The following DACH2 variants were observed in gnomAD, a reference collection of about 807,000 sequenced individuals.
DACH2 encodes the protein dachshund homolog 2.
DACH2 carries 17 observed loss-of-function variants against 35.8 expected under a neutral mutation model. The observed-to-expected ratio is 0.48, with a 90% confidence interval of 0.33 to 0.71. The LOEUF (loss-of-function observed/expected upper bound fraction) is 0.71. DACH2 is among the 30% of genes least tolerant of loss of function. The probability of loss-of-function intolerance (pLI) is 0.02; values close to 1 mark genes in which losing one functional copy is unlikely to be tolerated. For missense variants in DACH2, 469 were observed against 472.7 expected (o/e 0.99, Z 0.07); for synonymous variants, 195 against 177.3 (o/e 1.10, Z -0.79).
intron 3 of DACH2, among the ~76,000 whole-genome samples, chrX:86,563,545 T>C (rs2039253936): frequency 9.0e-6 from 1 of 111,071 alleles, no homozygotes; most frequent in Admixed American, 9.6e-5. Context: ...TATTTTGAGA[T>C]ATAACAATGC....
At chrX:86,556,847 G>A (rs1395320255) in intron 3 of DACH2, among the ~76,000 whole-genome samples, 7 of 95,491 alleles carry the variant, frequency 7.3e-5, no homozygotes, top group African/African-American at 1.5e-4. Context: ...AATGTACTAC[G>A]GGAATTTGCT....
At chrX:86,181,435 G>A (rs187999230) in intron 1 of DACH2, among the ~76,000 whole-genome samples, 24 of 111,168 alleles carry the variant, frequency 2.2e-4, no homozygotes, top group African/African-American at 6.9e-4. Context: ...AACATGCGAT[G>A]TTTGGTTTTC....
At chrX:86,470,943 G>T (rs922380919) in intron 2 of DACH2, among the ~76,000 whole-genome samples, 1 of 110,800 alleles carries the variant, frequency 9.0e-6, no homozygotes, top group African/African-American at 3.3e-5. Context: ...TAATTTGCAA[G>T]GCTCAACCCC....
At chrX:86,452,166 G>A (rs1028451033) in intron 2 of DACH2, among the ~76,000 whole-genome samples, 1 of 111,921 alleles carries the variant, frequency 8.9e-6, no homozygotes, top group Admixed American at 9.5e-5. Flanking sequence ...TTGCATCCCA[G>A]AGATAAAGCC....
At chrX:86,313,358 A>G (rs2034836799) in intron 1 of DACH2, among the ~76,000 whole-genome samples, 1 of 111,826 alleles carries the variant, frequency 8.9e-6, no homozygotes, top group Admixed American at 9.5e-5. Context: ...TAGTAAGTAG[A>G]TATTTTGGGA....
chrX:86,409,156 T>C (rs1039632182), intron 2 of DACH2, among the ~76,000 whole-genome samples: 4 of 111,631 alleles, frequency 3.6e-5, no homozygotes, highest in African/African-American at 1.3e-4. Flanking sequence ...TGTTAAGTTA[T>C]TTATACAAGG....
At chrX:86,676,084 A>G (rs1047927490) in intron 4 of DACH2, among the ~76,000 whole-genome samples, 7 of 111,959 alleles carry the variant, frequency 6.3e-5, no homozygotes, top group African/African-American at 2.3e-4. Flanking sequence ...CAGAAATTGT[A>G]GCATATTATT....
chrX:86,548,936 A>G (rs1212369572), intron 3 of DACH2, among the ~76,000 whole-genome samples: 1 of 112,220 alleles, frequency 8.9e-6, no homozygotes, highest in Non-Finnish European at 1.9e-5. Flanking sequence ...ATATTTGCTT[A>G]TATTTCCATG....
At chrX:86,656,760 G>A (rs938443651) in intron 4 of DACH2, among the ~76,000 whole-genome samples, 2 of 104,431 alleles carry the variant, frequency 1.9e-5, no homozygotes, top group Non-Finnish European at 3.9e-5. Context: ...AATTAAGTAA[G>A]ATATAGATAA....
chrX:86,699,317 A>G (rs2041111958), intron 5 of DACH2, among the ~76,000 whole-genome samples: 1 of 112,458 alleles, frequency 8.9e-6, no homozygotes, highest in African/African-American at 3.2e-5. Flanking sequence ...CCATTTTCAC[A>G]CTGCTAGTAA....
chrX:86,608,522 T>G (rs148071739), intron 3 of DACH2, among the ~76,000 whole-genome samples: 3,067 of 112,024 alleles, frequency 0.027, 100 homozygotes, highest in African/African-American at 0.094. Flanking sequence ...TCTGTGTACT[T>G]ATTATTACCA....
chrX:86,776,228 G>T (rs2042030511), intron 7 of DACH2, among the ~76,000 whole-genome samples: 1 of 111,489 alleles, frequency 9.0e-6, no homozygotes, highest in Non-Finnish European at 1.9e-5. Flanking sequence ...AGTTCTAGAG[G>T]CTCAAGAGTC....
chrX:86,746,269 A>C (rs1055895644), intron 7 of DACH2, among the ~76,000 whole-genome samples: 1 of 111,416 alleles, frequency 9.0e-6, no homozygotes, highest in African/African-American at 3.3e-5. Flanking sequence ...ATATATACTT[A>C]GGAGTGAAAT....
chrX:86,625,202 C>G (rs1209067199), intron 3 of DACH2, among the ~76,000 whole-genome samples: 1 of 95,670 alleles, frequency 1.0e-5, no homozygotes, highest in Non-Finnish European at 2.1e-5. Context: ...TATACAAAAA[C>G]CTTCTTAGTG....
At position 86,514,305 on chromosome X, in the gene DACH2, G is replaced by A. The variant is rs748093037; in HGVS notation, c.554G>A (p.Arg185His). The change falls in exon 3 of 12, where the codon CGT (arginine) becomes CAT (histidine). Residue 185 changes from arginine (R) to histidine (H), a missense_variant. This residue lies in a region of DACH2 where 363 missense variants were observed against 334.4 expected (regional missense o/e 1.09). Coordinates refer to ENST00000373125, the MANE Select transcript of DACH2 (RefSeq NM_053281.3). ...NSSRPGRPPK[R>H]SLGVLQENAR... ...TCAAGACCCGGCAGGCCCCCTAAGC[G>A]TTCTTTGGGAGTGTTGCAGGAAAAT... 5.0e-6 allele frequency: 6 copies of A among 1,209,159 alleles called. No individual in the cohort carries two copies. The highest frequency in any genetic ancestry group is 1.7e-5 in the African/African-American group (1 of 57,188).
At chrX:86,546,532 T>C (rs2038976969) in intron 3 of DACH2, among the ~76,000 whole-genome samples, 1 of 92,070 alleles carries the variant, frequency 1.1e-5, no homozygotes, top group African/African-American at 4.2e-5. Context: ...TAAGACAGAG[T>C]CTTGTTCTGT....
At chrX:86,374,471 T>C (rs1044066075) in intron 1 of DACH2, among the ~76,000 whole-genome samples, 2 of 110,794 alleles carry the variant, frequency 1.8e-5, no homozygotes, top group Admixed American at 9.7e-5. Context: ...ATGATGATGA[T>C]TGGAACTAGT....
intron 1 of DACH2, among the ~76,000 whole-genome samples, chrX:86,198,973 T>G (rs1228742850): frequency 9.1e-6 from 1 of 109,931 alleles, no homozygotes; most frequent in Non-Finnish European, 1.9e-5. Flanking sequence ...AAAAGAAAAC[T>G]TCAGTCCAAT....
chrX:86,718,832 T>C (rs976557742), intron 6 of DACH2, among the ~76,000 whole-genome samples: 2 of 111,764 alleles, frequency 1.8e-5, no homozygotes, highest in Non-Finnish European at 3.8e-5. Context: ...GTTCCCTTGA[T>C]CTATGTGTCT....
Sources: allele counts gnomAD v4.1 joint callset (sites outside exome capture counted in the v4.1 genomes callset), GRCh38; gene constraint gnomAD v4.1.1; regional missense constraint gnomAD v4.1.1; transcripts MANE v1.5; gene names NCBI Gene and HGNC (gene_info 2026-07-23, HGNC 2026-07-21).